The following PMPCA variants were observed in gnomAD, a reference collection of about 807,000 sequenced individuals.
The protein encoded by PMPCA is peptidase, mitochondrial processing subunit alpha.
Under a neutral mutation model 59.3 loss-of-function variants are expected in PMPCA, and 47 were observed. That is an observed-to-expected ratio of 0.79 (90% CI 0.63 to 1.01). The LOEUF is 1.01. Ranked by LOEUF, PMPCA falls within the 50% of genes least tolerant of loss-of-function variation. PMPCA has a pLI of 0.00. For synonymous variants in PMPCA, 338 were observed against 290.3 expected (o/e 1.16, Z -1.67); for missense variants, 726 against 704.5 (o/e 1.03, Z -0.34).
Position 136,421,838 on chromosome 9 carries a change from C to T in PMPCA, c.1270C>T (p.Leu424=). The T allele has an allele frequency of 6.3e-7, 1 of 1,587,140 alleles. No homozygotes were observed. Among genetic ancestry groups the T allele is most frequent in the Middle Eastern group, 2.3e-4 (1 of 4,326 alleles). The change falls in exon 12 of 13, where the codon CTG becomes TTG. Residue 424 remains leucine, a synonymous_variant. Transcript: ENST00000371717. ...LMGGTVDTVE[L]ERAKTQLTSM... is the part of the protein sequence containing the mutation. Reference sequence around the variant, plus strand: ...GACTGGACCCTGGCCCCAGGTGGAGCTGGAACGAGCCAAGACGCAGCTGAC... The same window carrying T: ...GACTGGACCCTGGCCCCAGGTGGAGTTGGAACGAGCCAAGACGCAGCTGAC...
At position 136,419,099 on chromosome 9, in the gene PMPCA, T is replaced by G; in HGVS notation, c.1256T>G (p.Val419Gly). The G allele has an allele frequency of 6.2e-7, 1 of 1,613,566 alleles. No homozygotes were observed. Among genetic ancestry groups the G allele is most frequent in the Non-Finnish European group, 8.5e-7 (1 of 1,179,430 alleles). The change falls in exon 11 of 13, where the codon GTG becomes GGG. Residue 419 changes from valine (V) to glycine (G), a missense_variant. By Grantham distance (109) the Val-to-Gly change is moderately radical. Transcript: ENST00000371717. ...TKEFILMGGT[V>G]DTVELERAKT... ...GAGTTTATTTTAATGGGCGGAACCG[T>G]GGACACGGTAAGTGCAGTGTGGCGC...
At chr9:136,420,378 A>C (rs1835416131) in intron 11 of PMPCA, 1 of 152,202 alleles carries the variant, frequency 6.6e-6, no homozygotes, top group Non-Finnish European at 1.5e-5. Context: ...CATGTTGGCC[A>C]GGCTGGTCTT....
chr9:136,417,333 C>A, intron 7 of PMPCA, 119 bp downstream of exon 7: 1 of 776,556 alleles, frequency 1.3e-6, no homozygotes, highest in Non-Finnish European at 2.0e-6. Flanking sequence ...TGTAGCTTTG[C>A]CTTAACACAT....
chr9:136,417,286 T>C, intron 7 of PMPCA, 72 bp downstream of exon 7: 1 of 1,326,614 alleles, frequency 7.5e-7, no homozygotes, highest in Non-Finnish European at 1.0e-6. Context: ...GACCTGTTTT[T>C]GTATTGATTC....
At chr9:136,422,668 A>G (rs1835491533) in intron 12 of PMPCA, 2 of 1,013,764 alleles carry the variant, frequency 2.0e-6, no homozygotes, top group East Asian at 9.4e-5. Flanking sequence ...TTTCTGTAGA[A>G]AACAGACCCA....
rs768405581 is a variant in PMPCA at position 136,423,276 on chromosome 9, G to C, written c.*12G>C. 2.6e-5 allele frequency: 42 copies of C among 1,606,126 alleles called. No individual in the cohort carries two copies. Among genetic ancestry groups the C allele is most frequent in the Non-Finnish European group, 3.4e-5 (40 of 1,176,082 alleles). ...GGCTCTTCCGGTAGAACCGCTCCCCGGCCTGACAGACCCAGGGAGCTGCAG... is the reference window on the plus strand; with the variant it reads ...GGCTCTTCCGGTAGAACCGCTCCCCCGCCTGACAGACCCAGGGAGCTGCAG... On this transcript the variant is annotated 3_prime_UTR_variant, in exon 13 of 13. Transcript: ENST00000371717.
rs1260318934 is a variant in PMPCA, at chr9:136,418,688, T to G, written c.1109+15T>G. On this transcript the variant is annotated intron_variant, in intron 9 of 12. Coordinates refer to ENST00000371717, the MANE Select transcript of PMPCA (RefSeq NM_015160.3). ...GTGCTCAACAGGTGGGTTGCACTCT[T>G]TTCTGTATCCTCAGGCCACCAGGCC... 2 of 1,573,890 alleles carry G rather than the reference T, an allele frequency of 1.3e-6. No individual in the cohort carries two copies. The highest frequency in any genetic ancestry group is 1.7e-6 in the Non-Finnish European group (2 of 1,143,296).
chr9:136,414,691 G>A (rs772887390), intron 5 of PMPCA, 44 bp downstream of exon 5: 2 of 1,262,396 alleles, frequency 1.6e-6, no homozygotes, highest in Admixed American at 1.7e-5. Flanking sequence ...CTTGGACATA[G>A]GGAAGACCGG....
At position 136,419,033 on chromosome 9, in the gene PMPCA, C is replaced by T. The variant is rs781609418; in HGVS notation, c.1201-11C>T. On this transcript the variant is annotated splice_polypyrimidine_tract_variant and intron_variant, in intron 10 of 12. Coordinates refer to ENST00000371717, the MANE Select transcript of PMPCA (RefSeq NM_015160.3). Reference sequence around the variant, plus strand: ...CAGGCCACACTGTTATCGTCTTGCCCTTCTTCGCAGGTTCGAGAAATGGTA... The same window carrying T: ...CAGGCCACACTGTTATCGTCTTGCCTTTCTTCGCAGGTTCGAGAAATGGTA... 4 of 1,613,538 alleles carry T rather than the reference C, an allele frequency of 2.5e-6. No homozygotes were observed. Among genetic ancestry groups the T allele is most frequent in the Non-Finnish European group, 3.4e-6 (4 of 1,179,508 alleles).
intron 12 of PMPCA, chr9:136,422,297 G>C (rs889500328): frequency 8.0e-7 from 1 of 1,251,684 alleles, no homozygotes; most frequent in East Asian, 4.5e-5. Flanking sequence ...GGGCTCAGTA[G>C]AGGACTGCTA....
In PMPCA at chr9:136,410,691, C is replaced by T. The variant is rs748858881; in HGVS notation, c.23C>T (p.Ala8Val). 7.8e-6 allele frequency: 11 copies of T among 1,415,498 alleles called. No individual in the cohort carries two copies. The highest frequency in any genetic ancestry group is 3.3e-5 in the South Asian group (2 of 60,742). 87.7% of individuals were successfully genotyped at this position (1,415,498 alleles called of 1,614,324 possible). A position where few individuals can be genotyped will look rare whatever the true frequency, so the allele number is the denominator to read the frequency against. Reference protein sequence around the residue: MAAVVLAATRLLRGSGSW... With the variant: MAAVVLAVTRLLRGSGSW... ...AAGATGGCGGCTGTGGTGCTGGCGG[C>T]GACGCGGTTGCTGCGGGGCTCGGGT... is the stretch of plus-strand genomic sequence containing the variant. Residue 8 changes from alanine (A) to valine (V), a missense_variant, in exon 1 of 13, where the codon GCG becomes GTG. By Grantham distance (64) the Ala-to-Val change is moderately conservative. Coordinates refer to ENST00000371717, the MANE Select transcript of PMPCA (RefSeq NM_015160.3).
intron 8 of PMPCA, 110 bp from the exon 9 acceptor site, chr9:136,418,445 C>A: frequency 1.3e-6 from 1 of 756,028 alleles, no homozygotes. Flanking sequence ...CAGCGGCGCT[C>A]CTGACGTGGC....
chr9:136,416,019 C>T, intron 5 of PMPCA: 1 of 554,094 alleles, frequency 1.8e-6, no homozygotes, highest in Non-Finnish European at 3.2e-6. Flanking sequence ...TCTTCGGTGC[C>T]TTTCACCAGC....
In PMPCA at chr9:136,423,410, A is replaced by G; in HGVS notation, c.*146A>G. The G allele has an allele frequency of 1.3e-6, 1 of 797,536 alleles. No individual in the cohort carries two copies. Among genetic ancestry groups the G allele is most frequent in the Non-Finnish European group, 1.9e-6 (1 of 514,430 alleles). The allele number at this position is 797,536 out of a possible 1,614,324, so 49.4% of individuals were successfully genotyped here. On this transcript the variant is annotated 3_prime_UTR_variant, in exon 13 of 13. Transcript: ENST00000371717. ...TCGCCACAGCACCCACGCGGTTTGC[A>G]TTCTTTTGGAACTCAATGTGCCGAT...
At chr9:136,418,736 A>T (rs1835357094) in intron 9 of PMPCA, 63 bp downstream of exon 9, 2 of 1,499,342 alleles carry the variant, frequency 1.3e-6, no homozygotes, top group Non-Finnish European at 1.9e-6. Context: ...TTTTTGGACC[A>T]TGAGGCCACC....
chr9:136,417,202 G>C lies in PMPCA; in HGVS notation c.885G>C (p.Gly295=). 1 of 1,578,594 alleles carries C rather than the reference G, an allele frequency of 6.3e-7. No homozygotes were observed. The highest frequency in any genetic ancestry group is 1.1e-5 in the South Asian group (1 of 88,330). ...DIDRSVAQYT[G]GIAKLERDMS... is the part of the protein sequence containing the mutation. Reference sequence around the variant, plus strand: ...ACAGATCTGTGGCCCAGTACACTGGGGGGATTGCCAAGGTGAAGTAGCGGG... The same window carrying C: ...ACAGATCTGTGGCCCAGTACACTGGCGGGATTGCCAAGGTGAAGTAGCGGG... The change falls in exon 7 of 13, where the codon GGG becomes GGC. Residue 295 remains glycine, a synonymous_variant. Transcript: ENST00000371717.
chr9:136,418,259 G>A, intron 8 of PMPCA, 150 bp downstream of exon 8: 1 of 679,530 alleles, frequency 1.5e-6, no homozygotes. Context: ...ATCCAGCAAT[G>A]CTCCTGATGC....
chr9:136,419,419 C>T, intron 11 of PMPCA: 1 of 499,076 alleles, frequency 2.0e-6, no homozygotes, highest in Non-Finnish European at 3.7e-6. Context: ...CCATGTGACT[C>T]TCTCAGCTTT....
chr9:136,419,380 C>T (rs1835382495), intron 11 of PMPCA: 2 of 552,442 alleles, frequency 3.6e-6, no homozygotes, highest in Non-Finnish European at 6.5e-6. Flanking sequence ...ACTTCTTTCT[C>T]TGAGCCACTG....
Sources: allele counts gnomAD v4.1 joint callset, GRCh38; gene constraint gnomAD v4.1.1; transcripts MANE v1.5; gene names NCBI Gene and HGNC (gene_info 2026-07-23, HGNC 2026-07-21).